Variants in POLG observed in about 807,000 individuals in gnomAD.
The protein encoded by POLG is DNA polymerase gamma, catalytic subunit.
In POLG, 110 loss-of-function variants were observed where a neutral mutation model predicts 155.4. The ratio of observed to expected loss-of-function variants is 0.71; its 90% confidence interval spans 0.61 to 0.83. The LOEUF (loss-of-function observed/expected upper bound fraction) is 0.83. POLG is among the 40% of genes least tolerant of loss of function. POLG has a pLI of 0.00. For missense variants in POLG, 1,685 were observed against 1,627.5 expected (o/e 1.04, Z -0.61); for synonymous variants, 701 against 631.5 (o/e 1.11, Z -1.65).
At chr15:89,325,101 A>AGT (rs2055467668) in intron 10 of POLG, among the ~76,000 whole-genome samples, 6 of 71,076 alleles carry the variant, frequency 8.4e-5, no homozygotes, top group African/African-American at 6.5e-4. Flanking sequence ...AGTGAGTGAG[A>AGT]GAGTGAGAGA....
chr15:89,328,625 C>G (rs2055553949), intron 5 of POLG, 60 bp downstream of exon 5: 2 of 1,607,442 alleles, frequency 1.2e-6, no homozygotes, highest in Non-Finnish European at 1.7e-6. Context: ...CTGCATCTCC[C>G]CAAGTGCAGC....
intron 9 of POLG, 73 bp from the exon 10 acceptor site, chr15:89,325,759 C>T (rs1315826932): frequency 5.1e-6 from 6 of 1,170,092 alleles, no homozygotes; most frequent in Admixed American, 5.0e-5. Context: ...CTCTCTCTCA[C>T]AATGTCCCCA....
At position 89,333,921 on chromosome 15, in the gene POLG, A is replaced by C; in HGVS notation, c.-159-8T>G. 1.4e-6 allele frequency: 1 copy of C among 716,106 alleles called. No individual in the cohort carries two copies. The highest frequency in any genetic ancestry group is 2.3e-6 in the Non-Finnish European group (1 of 429,144). The allele number at this position is 716,106 out of a possible 1,614,324, so 44.4% of individuals were successfully genotyped here. On this transcript the variant is annotated splice_region_variant and splice_polypyrimidine_tract_variant and intron_variant, in intron 1 of 22. Coordinates refer to ENST00000268124, the MANE Select transcript of POLG (RefSeq NM_002693.3). ...TGCCTTCCACCCCAAATCCTAAAGG[A>C]GACAGATGATATAAAGCGTTATTTT...
At chr15:89,318,412 T>C in intron 21 of POLG, 129 bp downstream of exon 21, 1 of 703,416 alleles carries the variant, frequency 1.4e-6, no homozygotes, top group East Asian at 2.7e-5. Context: ...TAGAAATAAA[T>C]AAATAAGCTG....
chr15:89,330,353 C>T (rs537125154), intron 2 of POLG, 77 bp from the exon 3 acceptor site: 13 of 1,101,754 alleles, frequency 1.2e-5, no homozygotes, highest in African/African-American at 1.1e-4. Flanking sequence ...TGCACACCTA[C>T]CGCCACATGC....
At chr15:89,334,510 C>T (rs956936123) in intron 1 of POLG, 163 bp downstream of exon 1, 2 of 152,114 alleles carry the variant, frequency 1.3e-5, no homozygotes, top group African/African-American at 2.4e-5. Flanking sequence ...AGTCGGCGGC[C>T]ACCCCCGTGC....
chr15:89,332,670 C>A (rs2055609723), intron 2 of POLG, among the ~76,000 whole-genome samples: 1 of 151,992 alleles, frequency 6.6e-6, no homozygotes, highest in African/African-American at 2.4e-5. Context: ...ATGTCCTATA[C>A]TGCCTGGGAC....
At chr15:89,328,405 G>T in intron 6 of POLG, 51 bp downstream of exon 6, 1 of 1,438,692 alleles carries the variant, frequency 7.0e-7, no homozygotes, top group Non-Finnish European at 9.7e-7. Context: ...GTGGGCCCGG[G>T]TACCAGGAAC....
chr15:89,322,103 C>T, intron 14 of POLG, 88 bp from the exon 15 acceptor site: 1 of 1,225,660 alleles, frequency 8.2e-7, no homozygotes, highest in South Asian at 1.2e-5. Context: ...CTGCCCACCT[C>T]CAGGACTGCT....
chr15:89,318,820 C>G (rs1350096620), intron 20 of POLG, 71 bp from the exon 21 acceptor site: 6 of 1,560,082 alleles, frequency 3.8e-6, no homozygotes, highest in Non-Finnish European at 5.3e-6. Context: ...GTAGAAGCCC[C>G]AAGAGAAGCT....
At chr15:89,332,286 A>T (rs1400874594) in intron 2 of POLG, 1 of 152,214 alleles carries the variant, frequency 6.6e-6, no homozygotes, top group Non-Finnish European at 1.5e-5. Flanking sequence ...TTCTTTACAA[A>T]GATGTAGCTT....
At chr15:89,332,615 G>A (rs1596361693) in intron 2 of POLG, among the ~76,000 whole-genome samples, 2 of 151,120 alleles carry the variant, frequency 1.3e-5, no homozygotes, top group African/African-American at 4.9e-5. Context: ...CAGGGGGGCG[G>A]GGGGGTGTTG....
rs1567189305 is a variant in POLG, at chr15:89,325,101, AGAGTGAGAGAGAGT to A, written c.1949+335_1949+348del. ...GTGAGTGAGAGAGTGAGTGAGTGAG[AGAGTGAGAGAGAGT>A]GAGTGAGTGAGTGAGAGAGTGAGTG... is the stretch of plus-strand genomic sequence containing the variant. On this transcript the variant is annotated intron_variant, in intron 10 of 22. Coordinates refer to ENST00000268124, the MANE Select transcript of POLG (RefSeq NM_002693.3). Among the ~76,000 whole-genome samples, 35 of 71,070 alleles carry A rather than the reference AGAGTGAGAGAGAGT, an allele frequency of 4.9e-4. 5 individuals are homozygous for A. The highest frequency in any genetic ancestry group is 3.6e-3 in the African/African-American group (28 of 7,714). 46.6% of individuals were successfully genotyped at this position (71,070 alleles called of 152,430 possible).
In POLG at chr15:89,327,188, C is replaced by A; in HGVS notation, c.1412G>T (p.Cys471Phe). ...KSLMDLANDA[C>F]QLLSGERYKE... ...CTACCTCTCTCCTGAGAGCAGCTGG[C>A]AGGCATCATTGGCCAGATCCATCAA... Residue 471 changes from cysteine to phenylalanine, a missense_variant, in exon 7 of 23, where the codon TGC becomes TTC. By Grantham distance (205) the Cys-to-Phe change is radical. Coordinates refer to ENST00000268124, the MANE Select transcript of POLG (RefSeq NM_002693.3). 1.9e-6 allele frequency: 3 copies of A among 1,614,252 alleles called. No individual in the cohort carries two copies. Among genetic ancestry groups the A allele is most frequent in the Non-Finnish European group, 2.5e-6 (3 of 1,180,050 alleles).
chr15:89,320,657 G>A (rs1200365020), intron 18 of POLG, 109 bp downstream of exon 18: 4 of 1,249,060 alleles, frequency 3.2e-6, no homozygotes, highest in African/African-American at 1.5e-5. Flanking sequence ...AGAGGGGCTA[G>A]GTGAGAGTTC....
rs112179685 is a variant in POLG at position 89,325,087 on chromosome 15, A to T, written c.1949+363T>A. Among the ~76,000 whole-genome samples the T allele has an allele frequency of 3.1e-5, 3 of 97,042 alleles. 1 individual carries two copies. The highest frequency in any genetic ancestry group is 6.0e-5 in the Non-Finnish European group (3 of 50,410). 63.7% of individuals were successfully genotyped at this position (97,042 alleles called of 152,430 possible). On this transcript the variant is annotated intron_variant, in intron 10 of 22. Coordinates refer to ENST00000268124, the MANE Select transcript of POLG (RefSeq NM_002693.3). ...GAGTGAGTGAGTGAGTGAGTGAGAGAGTGAGTGAGTGAGAGAGTGAGAGAG... is the reference window on the plus strand; with the variant it reads ...GAGTGAGTGAGTGAGTGAGTGAGAGTGTGAGTGAGTGAGAGAGTGAGAGAG...
rs2152061005 is a variant in POLG, at chr15:89,320,928, C to A, written c.2819G>T (p.Gly940Val). The A allele has an allele frequency of 6.2e-7, 1 of 1,613,854 alleles. No homozygotes were observed. Among genetic ancestry groups the A allele is most frequent in the Non-Finnish European group, 8.5e-7 (1 of 1,179,942 alleles). The part of the protein sequence containing the change: ...DLHSKTATTV[G>V]ISREHAKIFN... Reference sequence around the variant, plus strand: ...GATTTTGGCATGCTCACGGCTGATGCCCACAGTAGTGGCTGTCTTACTGTG... The same window carrying A: ...GATTTTGGCATGCTCACGGCTGATGACCACAGTAGTGGCTGTCTTACTGTG... The change falls in exon 18 of 23, where the codon GGC (glycine) becomes GTC (valine). Residue 940 changes from glycine (G) to valine (V), a missense_variant. Physicochemically the swap from Gly to Val is moderately radical, Grantham distance 109. Around this residue, in one of 3 missense-constraint regions of POLG, gnomAD observed 470 missense variants for 439.9 expected, o/e 1.07. Transcript: ENST00000268124.
chr15:89,327,577 CA>C (rs1439509915), intron 6 of POLG, among the ~76,000 whole-genome samples: 1 of 152,190 alleles, frequency 6.6e-6, no homozygotes, highest in Non-Finnish European at 1.5e-5. Context: ...ATCCCATCCT[CA>C]GGGGTAATGT....
chr15:89,326,525 C>A (rs943840710), intron 9 of POLG, 87 bp downstream of exon 9: 1 of 1,457,372 alleles, frequency 6.9e-7, no homozygotes, highest in Non-Finnish European at 9.5e-7. Context: ...TGCATGATGC[C>A]TCTGTGCCAG....
Sources: allele counts gnomAD v4.1 joint callset (sites outside exome capture counted in the v4.1 genomes callset), GRCh38; gene constraint gnomAD v4.1.1; regional missense constraint gnomAD v4.1.1; transcripts MANE v1.5; gene names NCBI Gene and HGNC (gene_info 2026-07-23, HGNC 2026-07-21).